Variants in PTCH1 observed in about 807,000 individuals in gnomAD.
PTCH1 encodes the protein patched 1.
Under a neutral mutation model 144.6 loss-of-function variants are expected in PTCH1, and 14 were observed. The ratio of observed to expected loss-of-function variants is 0.10; its 90% CI spans 0.06 to 0.15. The LOEUF is 0.15. Among genes scored for constraint, PTCH1 ranks in the 10% least tolerant of loss-of-function variants. The pLI is 1.00. For missense variants in PTCH1, 1,623 were observed against 1,948.3 expected, an observed-to-expected ratio of 0.83 and a Z score of 3.14; for synonymous variants, 833 against 793.6, an observed-to-expected ratio of 1.05 and a Z score of -0.83.
In PTCH1 at chr9:95,447,232, G is replaced by A. The variant is rs781539921; in HGVS notation, c.4024C>T (p.Arg1342Cys). The A allele has an allele frequency of 8.9e-5, 143 of 1,611,458 alleles. 1 individual carries two copies. Among genetic ancestry groups the A allele is most frequent in the Middle Eastern group, 4.9e-4 (3 of 6,080 alleles). ...GPSNRARWGP[R>C]GARSHNPRNP... is the part of the protein sequence containing the mutation. ...CGAGGGTTGTGAGAACGGGCCCCGC[G>A]AGGGCCCCAGCGGGCCCTATTGCTA... The change falls in exon 23 of 24, where the codon CGC (arginine) becomes TGC (cysteine). Residue 1342 changes from arginine to cysteine, a missense_variant. This residue lies in a region of PTCH1 where 291 missense variants were observed against 287.4 expected (regional missense o/e 1.01). Coordinates refer to ENST00000331920, the MANE Select transcript of PTCH1 (RefSeq NM_000264.5).
rs1837660500 is a variant in PTCH1 at position 95,443,825 on chromosome 9, T to A, written c.*2568A>T. The A allele has an allele frequency of 6.6e-6, 1 of 152,638 alleles. No homozygotes were observed. The highest frequency in any genetic ancestry group is 1.5e-5 in the Non-Finnish European group (1 of 68,038). 9.5% of individuals were successfully genotyped at this position (152,638 alleles called of 1,614,324 possible). On this transcript the variant is annotated 3_prime_UTR_variant, in exon 24 of 24. Transcript: ENST00000331920. ...GTAATTGAAATGACACAAACTCATT[T>A]CCACCAAAATTGGCAATGAGACCCA...
At position 95,456,264 on chromosome 9, in the gene PTCH1, T is replaced by C. The variant is rs1194568438; in HGVS notation, c.3306+12A>G. On this transcript the variant is annotated intron_variant, in intron 19 of 23. Transcript: ENST00000331920. ...TTTTTCACAAAGTTTTTGCTTCAAA[T>C]GTCTCCCATACCAAAGCAACGTGAA... 2.5e-6 allele frequency: 4 copies of C among 1,613,324 alleles called. No individual in the cohort carries two copies. The South Asian group carries it at 4.4e-5, about 18-fold the overall frequency.
rs534619417 is a variant in PTCH1 at position 95,463,139 on chromosome 9, C to T, written c.2561-1141G>A. On this transcript the variant is annotated intron_variant, in intron 15 of 23. Coordinates refer to ENST00000331920, the MANE Select transcript of PTCH1 (RefSeq NM_000264.5). ...GAAGGGAGAAGCGTTTATTTCATTT[C>T]GGGACATGCCTTGGATGATTTCAAA... Among the ~76,000 whole-genome samples the T allele has an allele frequency of 5.9e-5, 9 of 151,672 alleles. No homozygotes were observed. In the South Asian group the frequency reaches 1.3e-3, roughly 21 times the overall value.
At chr9:95,473,417 A>G (rs1356067537) in intron 12 of PTCH1, among the ~76,000 whole-genome samples, 1 of 152,194 alleles carries the variant, frequency 6.6e-6, no homozygotes, top group African/African-American at 2.4e-5. Flanking sequence ...TCATCAATGG[A>G]AAGAGAAGCT....
At position 95,485,670 on chromosome 9, in the gene PTCH1, C is replaced by T. The variant is rs368571192; in HGVS notation, c.584+15G>A. 113 of 1,613,962 alleles carry T rather than the reference C, an allele frequency of 7.0e-5. No homozygotes were observed. Among genetic ancestry groups the T allele is most frequent in the Non-Finnish European group, 8.7e-5 (103 of 1,179,898 alleles). ...TACCTGCTGCTCATTAGTAGGTGGACGCGGCGGGCCTTACCTGTTGTACAT... is the reference window on the plus strand; with the variant it reads ...TACCTGCTGCTCATTAGTAGGTGGATGCGGCGGGCCTTACCTGTTGTACAT... On this transcript the variant is annotated intron_variant, in intron 3 of 23. Transcript: ENST00000331920.
chr9:95,458,833 T>A lies in PTCH1; in HGVS notation c.2888-540A>T, dbSNP rs1214531693. Among the ~76,000 whole-genome samples the A allele has an allele frequency of 2.0e-5, 3 of 152,238 alleles. No homozygotes were observed. Among genetic ancestry groups the A allele is most frequent in the Non-Finnish European group, 4.4e-5 (3 of 68,042 alleles). On this transcript the variant is annotated intron_variant, in intron 17 of 23. Coordinates refer to ENST00000331920, the MANE Select transcript of PTCH1 (RefSeq NM_000264.5). The surrounding 1 kb of genome is among the most constrained non-coding windows in gnomAD (Gnocchi z 4.7). ...TGTGTTCCAGACCCTCTGGGGTCATTCAGTTGACTTGCTAAACATGATTTG... is the reference window on the plus strand; with the variant it reads ...TGTGTTCCAGACCCTCTGGGGTCATACAGTTGACTTGCTAAACATGATTTG...
At position 95,467,163 on chromosome 9, in the gene PTCH1, T is replaced by A. The variant is rs1220749812; in HGVS notation, c.2513A>T (p.Lys838Ile). The A allele has an allele frequency of 6.2e-7, 1 of 1,614,256 alleles. No homozygotes were observed. Among genetic ancestry groups the A allele is most frequent in the Non-Finnish European group, 8.5e-7 (1 of 1,180,048 alleles). The stretch of plus-strand genomic sequence containing the variant: ...GTGCAGCCACATTTTGGGAAGCTGT[T>A]TGTTTTCTTCCAACATGACATACTT... ...NVKYVMLEENKQLPKMWLHYF... is the reference protein window; with the variant it reads ...NVKYVMLEENIQLPKMWLHYF... Residue 838 changes from lysine (K) to isoleucine (I), a missense_variant, in exon 15 of 24, where the codon AAA becomes ATA. This residue lies in a region of PTCH1 where 504 missense variants were observed against 679.3 expected (regional missense o/e 0.74). Transcript: ENST00000331920.
chr9:95,497,213 C>CT (rs1289322879), intron 2 of PTCH1, among the ~76,000 whole-genome samples: 1 of 152,086 alleles, frequency 6.6e-6, no homozygotes. Context: ...TGTAGTCACT[C>CT]TCAGGGCTGC....
intron 2 of PTCH1, among the ~76,000 whole-genome samples, chr9:95,495,597 A>C (rs146647620): frequency 7.7e-4 from 117 of 152,218 alleles, no homozygotes; most frequent in African/African-American, 2.7e-3. Context: ...GAAGAGTTGC[A>C]CTGCTGAAAC....
intron 2 of PTCH1, chr9:95,494,854 G>C (rs1358576940): frequency 6.6e-6 from 1 of 152,420 alleles, no homozygotes; most frequent in East Asian, 1.9e-4. Flanking sequence ...CAGCACTCAA[G>C]GCATTGCATA....
At chr9:95,448,989 A>T in intron 22 of PTCH1, 80 bp downstream of exon 22, 1 of 1,587,842 alleles carries the variant, frequency 6.3e-7, no homozygotes, top group East Asian at 2.2e-5. Context: ...GCTGCTCAGC[A>T]GACAGGAGCC....
In PTCH1 at chr9:95,479,974, G is replaced by C. The variant is rs1554699558; in HGVS notation, c.1062C>G (p.Leu354=). 1 of 1,614,150 alleles carries C rather than the reference G, an allele frequency of 6.2e-7. No homozygotes were observed. Among genetic ancestry groups the C allele is most frequent in the Non-Finnish European group, 8.5e-7 (1 of 1,180,028 alleles). ...GTCCTCGGGAGCTGGCTTACCTGAC[G>C]AGTTTTCCAGTGCTGTTCTTGACTG... is the stretch of plus-strand genomic sequence containing the variant. ...GGTVKNSTGK[L]VSAHALQTMF... The change falls in exon 7 of 24, where the codon CTC becomes CTG. Residue 354 remains leucine (L), a synonymous_variant. Transcript: ENST00000331920.
chr9:95,505,993 G>C (rs1050540065), intron 2 of PTCH1, among the ~76,000 whole-genome samples: 2 of 147,844 alleles, frequency 1.4e-5, no homozygotes, highest in African/African-American at 4.9e-5. Flanking sequence ...CTTTGGACGC[G>C]GTGGGTGGGG....
chr9:95,498,297 A>G (rs749635412), intron 2 of PTCH1, among the ~76,000 whole-genome samples: 1 of 152,216 alleles, frequency 6.6e-6, no homozygotes, highest in Non-Finnish European at 1.5e-5. Flanking sequence ...TGGGACCCAC[A>G]TGCAGAGTGG....
chr9:95,511,305 C>G (rs1844150124), upstream of PTCH1, among the ~76,000 whole-genome samples: 1 of 152,070 alleles, frequency 6.6e-6, no homozygotes, highest in Admixed American at 6.5e-5. Flanking sequence ...TCCCTCGCCC[C>G]GCTCCCTCCC....
chr9:95,500,351 G>C (rs1477613811), intron 2 of PTCH1, among the ~76,000 whole-genome samples: 1 of 152,128 alleles, frequency 6.6e-6, no homozygotes, highest in African/African-American at 2.4e-5. Context: ...AATCATTGGT[G>C]GCTTCTCATT....
intron 2 of PTCH1, chr9:95,494,156 C>A (rs1842637539): frequency 2.1e-6 from 2 of 970,172 alleles, no homozygotes; most frequent in Admixed American, 6.2e-5. Context: ...CTGCAACGCG[C>A]ATGCGCCGGA....
rs1435028528 is a variant in PTCH1, at chr9:95,444,211, C to T, written c.*2182G>A. ...TCTAATTCCCTGCCAGCCCCACCCC[C>T]CGCCCACCCCAGTTCTCCCTTTGCC... is the stretch of plus-strand genomic sequence containing the variant. On this transcript the variant is annotated 3_prime_UTR_variant, in exon 24 of 24. Coordinates refer to ENST00000331920, the MANE Select transcript of PTCH1 (RefSeq NM_000264.5). 7.4e-6 allele frequency: 1 copy of T among 136,040 alleles called. No individual in the cohort carries two copies. Among genetic ancestry groups the T allele is most frequent in the Non-Finnish European group, 1.6e-5 (1 of 63,176 alleles). 8.4% of individuals were successfully genotyped at this position (136,040 alleles called of 1,614,324 possible).
rs1439717737 is a variant in PTCH1 at position 95,480,730 on chromosome 9, G to A, written c.747-142C>T. 8 of 841,184 alleles carry A rather than the reference G, an allele frequency of 9.5e-6. No individual in the cohort carries two copies. The East Asian group carries it at 2.1e-4, about 22-fold the overall frequency. 52.1% of individuals were successfully genotyped at this position (841,184 alleles called of 1,614,324 possible). A position where few individuals can be genotyped will look rare whatever the true frequency, so the allele number is the denominator to read the frequency against. ...CTGGGACTCTGGCATCAAAACAAATGCTCCTTTCCAGCATATCTGCATAAA... is the reference window on the plus strand; with the variant it reads ...CTGGGACTCTGGCATCAAAACAAATACTCCTTTCCAGCATATCTGCATAAA... On this transcript the variant is annotated intron_variant, in intron 5 of 23. Transcript: ENST00000331920.
Sources: gnomAD v4.1 joint callset for allele counts (sites outside exome capture counted in the v4.1 genomes callset) on GRCh38, gnomAD v4.1.1 for gene constraint, gnomAD v4.1.1 regional missense constraint, Gnocchi (gnomAD v3.1) non-coding constraint, MANE v1.5 for transcripts, NCBI Gene and HGNC (gene_info 2026-07-23, HGNC 2026-07-21) for gene names.